The following LRGUK variants were observed in gnomAD, a reference collection of about 807,000 sequenced individuals.
The protein encoded by LRGUK is leucine-rich repeat and guanylate kinase domain-containing protein.
LRGUK carries 65 observed loss-of-function variants against 76.0 expected under a neutral mutation model. The ratio of observed to expected loss-of-function variants is 0.85; its 90% CI spans 0.70 to 1.05. The LOEUF (loss-of-function observed/expected upper bound fraction) is 1.05, where lower values mean the gene tolerates loss of function less well. Ranked by LOEUF, LRGUK falls within the 50% of genes least tolerant of loss-of-function variation. LRGUK has a pLI of 0.00. For missense variants in LRGUK, 758 were observed against 732.8 expected (o/e 1.03, Z -0.40); for synonymous variants, 268 against 265.6 (o/e 1.01, Z -0.09).
chr7:134,231,536 C>T (rs956088355), intron 16 of LRGUK, among the ~76,000 whole-genome samples: 28 of 146,312 alleles, frequency 1.9e-4, no homozygotes, highest in Non-Finnish European at 1.0e-4. Flanking sequence ...TCCTTCCTCC[C>T]TTCCTCCCTC....
intron 15 of LRGUK, among the ~76,000 whole-genome samples, chr7:134,203,421 T>C (rs548905303): frequency 6.6e-6 from 1 of 152,332 alleles, no homozygotes. Context: ...GGTTGCATCC[T>C]GGCAGACTGA....
chr7:134,136,889 T>G (rs73454662), intron 1 of LRGUK, 134 bp from the exon 2 acceptor site: 78,815 of 632,806 alleles, frequency 0.12, 6,381 homozygotes, highest in East Asian at 0.33. Flanking sequence ...AGAATTTTTT[T>G]GGGGGTTGGT....
intron 16 of LRGUK, among the ~76,000 whole-genome samples, chr7:134,235,705 A>G (rs1801998289): frequency 6.6e-6 from 1 of 152,186 alleles, no homozygotes; most frequent in Non-Finnish European, 1.5e-5. Flanking sequence ...CTAGGCACAT[A>G]GTAGTGCTCA....
intron 16 of LRGUK, among the ~76,000 whole-genome samples, chr7:134,231,612 G>A (rs564830746): frequency 1.8e-3 from 17 of 9,420 alleles, no homozygotes; most frequent in Admixed American, 6.0e-3. Flanking sequence ...TCCTCCCTCC[G>A]TCCCTCTCTT....
At chr7:134,259,816 C>T (rs1802674584) in intron 19 of LRGUK, among the ~76,000 whole-genome samples, 1 of 152,150 alleles carries the variant, frequency 6.6e-6, no homozygotes, top group South Asian at 2.1e-4. Flanking sequence ...TGGGACCTGC[C>T]ACTCCAGGGC....
intron 5 of LRGUK, among the ~76,000 whole-genome samples, chr7:134,152,630 G>C (rs1158572725): frequency 6.6e-6 from 1 of 151,950 alleles, no homozygotes; most frequent in African/African-American, 2.4e-5. Flanking sequence ...TTTTTACCTT[G>C]TTTGTGGGTA....
chr7:134,170,462 G>A (rs959916084), intron 7 of LRGUK, among the ~76,000 whole-genome samples: 1 of 151,974 alleles, frequency 6.6e-6, no homozygotes, highest in Non-Finnish European at 1.5e-5. Context: ...AAGATCTAGT[G>A]TTCAATAGCA....
At chr7:134,207,206 T>C (rs1801045380) in intron 15 of LRGUK, among the ~76,000 whole-genome samples, 1 of 152,222 alleles carries the variant, frequency 6.6e-6, no homozygotes, top group South Asian at 2.1e-4. Flanking sequence ...ATTGTAAGTA[T>C]ACAATTCAAT....
intron 5 of LRGUK, among the ~76,000 whole-genome samples, chr7:134,153,496 T>C (rs1334078207): frequency 1.3e-5 from 2 of 152,152 alleles, no homozygotes; most frequent in Non-Finnish European, 1.5e-5. Flanking sequence ...TATTTTATGA[T>C]GATAGAATAA....
At chr7:134,184,078 C>T (rs1218663982) in intron 11 of LRGUK, among the ~76,000 whole-genome samples, 1 of 152,026 alleles carries the variant, frequency 6.6e-6, no homozygotes, top group African/African-American at 2.4e-5. Flanking sequence ...AAGGACAGAG[C>T]ACCATGTGAG....
At chr7:134,268,531 C>T (rs185195588), downstream of LRGUK, among the ~76,000 whole-genome samples, 22 of 152,076 alleles carry the variant, frequency 1.4e-4, no homozygotes, top group East Asian at 4.2e-3. Flanking sequence ...AGCCCAAATG[C>T]TTTCACTGAA....
intron 7 of LRGUK, among the ~76,000 whole-genome samples, chr7:134,171,632 G>T (rs1799253360): frequency 6.6e-6 from 1 of 152,050 alleles, no homozygotes. Flanking sequence ...GTCAATAGGG[G>T]CAAAGGAGGT....
chr7:134,252,490 G>A (rs1476433289), intron 18 of LRGUK, among the ~76,000 whole-genome samples: 1 of 152,148 alleles, frequency 6.6e-6, no homozygotes, highest in Non-Finnish European at 1.5e-5. Context: ...CTTGGAGCAA[G>A]CAATTAGACT....
At chr7:134,197,525 T>G (rs1255431453) in intron 13 of LRGUK, among the ~76,000 whole-genome samples, 1 of 152,222 alleles carries the variant, frequency 6.6e-6, no homozygotes, top group African/African-American at 2.4e-5. Context: ...GCCTGATTCT[T>G]AGAGTGTGGA....
chr7:134,135,347 G>A (rs868684224), intron 1 of LRGUK, among the ~76,000 whole-genome samples: 6 of 152,308 alleles, frequency 3.9e-5, no homozygotes, highest in African/African-American at 9.6e-5. Flanking sequence ...CTTGTTTGAT[G>A]AAACCACCGG....
At chr7:134,163,612 C>A in intron 7 of LRGUK, 72 bp downstream of exon 7, 2 of 1,356,738 alleles carry the variant, frequency 1.5e-6, no homozygotes, top group South Asian at 2.2e-5. Flanking sequence ...TAGCACACAC[C>A]CTTCATTTTT....
intron 14 of LRGUK, among the ~76,000 whole-genome samples, chr7:134,200,557 A>G (rs1800727214): frequency 6.6e-6 from 1 of 151,662 alleles, no homozygotes; most frequent in African/African-American, 2.4e-5. Context: ...AAAACTAATA[A>G]CACTGATTAC....
chr7:134,140,211 C>T (rs1376613038), intron 3 of LRGUK, among the ~76,000 whole-genome samples: 1 of 152,192 alleles, frequency 6.6e-6, no homozygotes, highest in Non-Finnish European at 1.5e-5. Context: ...TTCAAGTGAT[C>T]TGCCCGCATC....
At chr7:134,214,809 CACACACT>C (rs1801393684), downstream of LRGUK, among the ~76,000 whole-genome samples, 1 of 150,684 alleles carries the variant, frequency 6.6e-6, no homozygotes, top group African/African-American at 2.5e-5. Context: ...CACACACACA[CACACACT>C]TTGAAGAGCT....
Sources: gnomAD v4.1 joint callset for allele counts (sites outside exome capture counted in the v4.1 genomes callset) on GRCh38, gnomAD v4.1.1 for gene constraint, MANE v1.5 for transcripts, NCBI Gene and HGNC (gene_info 2026-07-23, HGNC 2026-07-21) for gene names.